ANKS1B: variants seen among roughly 807,000 people sequenced by gnomAD.
ANKS1B encodes the protein ankyrin repeat and sterile alpha motif domain containing 1B, also known as ankyrin repeat and sterile alpha motif domain-containing protein 1B.
A neutral mutation model predicts 148.3 loss-of-function variants in ANKS1B; 36 were observed. The ratio of observed to expected loss-of-function variants is 0.24; its 90% CI spans 0.19 to 0.32. ANKS1B has a LOEUF of 0.32. ANKS1B is among the 10% of genes least tolerant of loss of function. ANKS1B has a pLI of 1.00. For missense variants in ANKS1B, 1,157 were observed against 1,542.6 expected (o/e 0.75, Z 4.19); for synonymous variants, 542 against 560.8 (o/e 0.97, Z 0.47).
At chr12:98,854,375 T>C (rs1172316511) in intron 17 of ANKS1B, among the ~76,000 whole-genome samples, 2 of 151,978 alleles carry the variant, frequency 1.3e-5, no homozygotes, top group Non-Finnish European at 2.9e-5. Flanking sequence ...TATCTACCAC[T>C]GAAATAAATC....
intron 15 of ANKS1B, among the ~76,000 whole-genome samples, chr12:99,112,070 A>G (rs927657436): frequency 2.6e-5 from 4 of 152,114 alleles, no homozygotes. Context: ...ATCTGCTTCA[A>G]TTCTCATTAG....
intron 1 of ANKS1B, among the ~76,000 whole-genome samples, chr12:99,830,241 T>C (rs2083754752): frequency 6.6e-6 from 1 of 152,108 alleles, no homozygotes; most frequent in Non-Finnish European, 1.5e-5. Flanking sequence ...TATATACAGA[T>C]AAATTACAAT....
intron 15 of ANKS1B, among the ~76,000 whole-genome samples, chr12:99,120,960 A>G (rs1265974728): frequency 2.0e-5 from 3 of 152,216 alleles, no homozygotes; most frequent in African/African-American, 7.2e-5. Flanking sequence ...CAGGGCTAGT[A>G]AAGCGTATCG....
intron 12 of ANKS1B, among the ~76,000 whole-genome samples, chr12:99,385,331 T>G (rs997371860): frequency 6.6e-6 from 1 of 152,120 alleles, no homozygotes; most frequent in African/African-American, 2.4e-5. Flanking sequence ...CAGCTGGGCG[T>G]GCTGGCACGT....
chr12:98,865,424 G>A lies in ANKS1B; in HGVS notation c.2779-33288C>T, dbSNP rs145645586. On this transcript the variant is annotated intron_variant, in intron 17 of 26. Transcript: ENST00000683438. ...TCACCCATCCAGTTATTTAACAAGC[G>A]TTAGCTGAGTGGCTATTATGTTCCT... Among the ~76,000 whole-genome samples the A allele has an allele frequency of 1.2e-3, 178 of 152,176 alleles. 1 individual carries two copies. The highest frequency in any genetic ancestry group is 4.1e-3 in the African/African-American group (170 of 41,498).
intron 17 of ANKS1B, among the ~76,000 whole-genome samples, chr12:98,907,631 C>T (rs1420072170): frequency 6.6e-6 from 1 of 152,202 alleles, no homozygotes; most frequent in Non-Finnish European, 1.5e-5. Context: ...GGCAAGGCAG[C>T]AGCCATCCTT....
intron 8 of ANKS1B, among the ~76,000 whole-genome samples, chr12:99,672,164 T>G (rs1472510279): frequency 1.3e-5 from 2 of 152,058 alleles, no homozygotes; most frequent in African/African-American, 2.4e-5. Context: ...ACATCCTATC[T>G]AGCCAAGGCA....
At chr12:99,524,833 T>C (rs768513338) in intron 9 of ANKS1B, among the ~76,000 whole-genome samples, 1 of 152,158 alleles carries the variant, frequency 6.6e-6, no homozygotes, top group Non-Finnish European at 1.5e-5. Flanking sequence ...ATTGGGGAAC[T>C]GCCCCCATAA....
rs529700871 is a variant in ANKS1B at position 99,203,551 on chromosome 12, C to T, written c.2419+40791G>A. The stretch of plus-strand genomic sequence containing the variant: ...CTGCAAGCTCCGCCCTCCGGGTGCA[C>T]GCCATTCTCCTGTCTCAGCCTCCCA... On this transcript the variant is annotated intron_variant, in intron 14 of 26. Coordinates refer to ENST00000683438, the MANE Select transcript of ANKS1B (RefSeq NM_001352186.2). Among the ~76,000 whole-genome samples, 155 of 151,752 alleles carry T rather than the reference C, an allele frequency of 1.0e-3. 3 individuals are homozygous for T. Among genetic ancestry groups the T allele is most frequent in the African/African-American group, 3.2e-3 (132 of 41,382 alleles).
At chr12:99,537,372 C>A (rs2097081092) in intron 9 of ANKS1B, among the ~76,000 whole-genome samples, 1 of 152,038 alleles carries the variant, frequency 6.6e-6, no homozygotes, top group Non-Finnish European at 1.5e-5. Flanking sequence ...AATTTACATT[C>A]CCACTAACAG....
At chr12:99,718,199 C>T (rs541992381) in intron 8 of ANKS1B, among the ~76,000 whole-genome samples, 24 of 152,114 alleles carry the variant, frequency 1.6e-4, no homozygotes, top group Non-Finnish European at 2.9e-4. Context: ...CGCGCCCAGC[C>T]GACAATACTC....
intron 19 of ANKS1B, among the ~76,000 whole-genome samples, chr12:98,815,456 G>T (rs569213884): frequency 6.6e-6 from 1 of 152,176 alleles, no homozygotes; most frequent in Non-Finnish European, 1.5e-5. Context: ...CTTCCTTCTT[G>T]GCTATACTAG....
At chr12:98,768,594 C>T (rs891024579) in intron 25 of ANKS1B, among the ~76,000 whole-genome samples, 19 of 151,838 alleles carry the variant, frequency 1.3e-4, no homozygotes, top group Non-Finnish European at 8.8e-5. Flanking sequence ...ATTAGCCGGG[C>T]GTGCTGGCGG....
chr12:99,915,709 G>A (rs1465116095), intron 1 of ANKS1B, among the ~76,000 whole-genome samples: 1 of 152,202 alleles, frequency 6.6e-6, no homozygotes, highest in Non-Finnish European at 1.5e-5. Context: ...GATGGGTAAT[G>A]TATTTGTTGC....
At chr12:98,921,695 C>T (rs543780104) in intron 17 of ANKS1B, among the ~76,000 whole-genome samples, 2 of 152,204 alleles carry the variant, frequency 1.3e-5, no homozygotes, top group South Asian at 4.2e-4. Context: ...CCTGCTTTGG[C>T]ATGCTTTGAT....
chr12:99,391,750 T>C (rs1567013848), intron 12 of ANKS1B, among the ~76,000 whole-genome samples: 1 of 152,206 alleles, frequency 6.6e-6, no homozygotes, highest in Admixed American at 6.5e-5. Context: ...CTTTTCTTCA[T>C]CAAGCATCTC....
At chr12:98,768,682 A>C (rs1245403112) in intron 25 of ANKS1B, among the ~76,000 whole-genome samples, 19 of 150,088 alleles carry the variant, frequency 1.3e-4, no homozygotes, top group Non-Finnish European at 2.7e-4. Flanking sequence ...TGCAGTGAGC[A>C]GAGATCGTGC....
intron 8 of ANKS1B, among the ~76,000 whole-genome samples, chr12:99,683,949 G>A (rs2098635493): frequency 6.6e-6 from 1 of 151,954 alleles, no homozygotes; most frequent in South Asian, 2.1e-4. Context: ...TGGCATAGAA[G>A]GGACATATCT....
intron 17 of ANKS1B, among the ~76,000 whole-genome samples, chr12:98,925,886 A>C (rs2099807468): frequency 6.6e-6 from 1 of 152,170 alleles, no homozygotes; most frequent in Non-Finnish European, 1.5e-5. Context: ...GACCCCAGCT[A>C]ATTTTTTGAA....
Sources: gnomAD v4.1 joint callset for allele counts (sites outside exome capture counted in the v4.1 genomes callset) on GRCh38, gnomAD v4.1.1 for gene constraint, MANE v1.5 for transcripts, NCBI Gene and HGNC (gene_info 2026-07-23, HGNC 2026-07-21) for gene names.